The following CDC40 variants were observed in gnomAD, a reference collection of about 807,000 sequenced individuals.
CDC40 encodes the protein pre-mRNA-processing factor 17.
A neutral mutation model predicts 80.6 loss-of-function variants in CDC40; 27 were observed. The observed-to-expected ratio is 0.33, with a 90% confidence interval of 0.25 to 0.46. The LOEUF (loss-of-function observed/expected upper bound fraction) is 0.46, where lower values mean the gene tolerates loss of function less well. Among genes scored for constraint, CDC40 ranks in the 20% least tolerant of loss-of-function variants. The probability of loss-of-function intolerance (pLI) is 1.00; values close to 1 mark genes in which losing one functional copy is unlikely to be tolerated. For missense variants in CDC40, 486 were observed against 694.1 expected, an observed-to-expected ratio of 0.70 and a Z score of 3.37; for synonymous variants, 221 against 232.6, an observed-to-expected ratio of 0.95 and a Z score of 0.45.
Position 110,209,146 on chromosome 6 carries a change from G to C in CDC40, c.553G>C (p.Asp185His). ...AAAGAGGAAAAAGTTTAAAGAAAAT[G>C]ATGCATCCAATATTGATGGTTTTTT... ...TEKRKKFKEN[D>H]ASNIDGFLGP... The change falls in exon 5 of 15, where the codon GAT becomes CAT. Residue 185 changes from aspartate to histidine, a missense_variant. Transcript: ENST00000307731. The C allele has an allele frequency of 6.2e-7, 1 of 1,604,564 alleles. No individual in the cohort carries two copies. The highest frequency in any genetic ancestry group is 8.5e-7 in the Non-Finnish European group (1 of 1,171,754).
In CDC40 at chr6:110,219,378, A is replaced by C. The variant is rs766359360; in HGVS notation, c.1105A>C (p.Arg369=). The change falls in exon 11 of 15, where the codon AGA becomes CGA. Residue 369 remains arginine, a synonymous_variant. Transcript: ENST00000307731. ...TTTGGTTTTAGGACAGTGTATATCA[A>C]GATTTACAAACCGAAAAGTACCTTA... ...WDTETGQCIS[R]FTNRKVPYCV... 6.5e-7 allele frequency: 1 copy of C among 1,548,848 alleles called. No homozygotes were observed. The highest frequency in any genetic ancestry group is 1.1e-5 in the South Asian group (1 of 89,516).
chr6:110,219,489 T>A lies in CDC40; in HGVS notation c.1206+10T>A. ...TAAGAAGATTGTGCAAGTAAGTCTT[T>A]CACAGTATTTTGTTAAGACTCCTAA... On this transcript the variant is annotated intron_variant, in intron 11 of 14. Transcript: ENST00000307731. 1 of 1,455,816 alleles carries A rather than the reference T, an allele frequency of 6.9e-7. No homozygotes were observed. The highest frequency in any genetic ancestry group is 9.6e-7 in the Non-Finnish European group (1 of 1,036,294). 90.2% of individuals were successfully genotyped at this position (1,455,816 alleles called of 1,614,324 possible).
chr6:110,208,048 T>C (rs1225266629), intron 4 of CDC40, among the ~76,000 whole-genome samples: 3 of 152,252 alleles, frequency 2.0e-5, no homozygotes, highest in Non-Finnish European at 4.4e-5. Flanking sequence ...CTTGTATTCA[T>C]ATTCATTTTG....
rs540391178 is a variant in CDC40, at chr6:110,215,513, G to A, written c.988+182G>A. Among the ~76,000 whole-genome samples the A allele has an allele frequency of 1.4e-4, 21 of 152,302 alleles. No homozygotes were observed. In the East Asian group the frequency reaches 1.9e-3, roughly 14 times the overall value. On this transcript the variant is annotated intron_variant, in intron 9 of 14. Coordinates refer to ENST00000307731, the MANE Select transcript of CDC40 (RefSeq NM_015891.3). ...AAGAGAACTAGGAAGCAAGAGCAGC[G>A]GATGCAAAACAAAAATGGTGTGAGA...
intron 12 of CDC40, among the ~76,000 whole-genome samples, chr6:110,220,167 A>T (rs886098310): frequency 2.0e-5 from 3 of 152,064 alleles, no homozygotes; most frequent in African/African-American, 7.2e-5. Flanking sequence ...TAGGTACCTT[A>T]TTCATCTCTG....
At chr6:110,223,817 GTTTTGT>G (rs1375542244) in intron 12 of CDC40, among the ~76,000 whole-genome samples, 1 of 151,044 alleles carries the variant, frequency 6.6e-6, no homozygotes, top group East Asian at 1.9e-4. Flanking sequence ...GTTTTGTTTT[GTTTTGT>G]TTTGTTTTGT....
chr6:110,205,757 T>C (rs114782140), intron 3 of CDC40, among the ~76,000 whole-genome samples: 1,821 of 152,338 alleles, frequency 0.012, 15 homozygotes, highest in Middle Eastern at 0.024. Context: ...ACATTCTAGC[T>C]AGATACGTTT....
intron 2 of CDC40, among the ~76,000 whole-genome samples, 197 bp from the exon 3 acceptor site, chr6:110,201,361 C>T (rs1777490640): frequency 6.6e-6 from 1 of 152,140 alleles, no homozygotes; most frequent in African/African-American, 2.4e-5. Context: ...GGGTTCCTCT[C>T]CTTCTGTCCC....
intron 3 of CDC40, among the ~76,000 whole-genome samples, chr6:110,205,796 T>C (rs1584072459): frequency 6.6e-6 from 1 of 152,196 alleles, no homozygotes; most frequent in Non-Finnish European, 1.5e-5. Context: ...ACTTTTAACA[T>C]GGTATGAGCT....
intron 1 of CDC40, 138 bp from the exon 2 acceptor site, chr6:110,193,038 ATTAATT>A: frequency 3.8e-6 from 2 of 527,472 alleles, no homozygotes; most frequent in Non-Finnish European, 6.8e-6. Flanking sequence ...AACTGTATAC[ATTAATT>A]TTATTAGAAT....
chr6:110,213,298 A>C, intron 8 of CDC40, 138 bp downstream of exon 8: 3 of 617,098 alleles, frequency 4.9e-6, no homozygotes, highest in Non-Finnish European at 8.8e-6. Context: ...AAATGCAGCA[A>C]TTTATGAACT....
chr6:110,192,622 A>G (rs1281945609), intron 1 of CDC40, among the ~76,000 whole-genome samples: 1 of 152,244 alleles, frequency 6.6e-6, no homozygotes, highest in Non-Finnish European at 1.5e-5. Flanking sequence ...TGGTGGAGTT[A>G]TACAAAAGTT....
chr6:110,230,134 A>T lies in CDC40; in HGVS notation c.*3A>T. ...GTCTCATTAAATTGTGGGATTAATGAGATTAATCCTTAAACTAGCTGGGAT... is the reference window on the plus strand; with the variant it reads ...GTCTCATTAAATTGTGGGATTAATGTGATTAATCCTTAAACTAGCTGGGAT... On this transcript the variant is annotated 3_prime_UTR_variant, in exon 15 of 15. Coordinates refer to ENST00000307731, the MANE Select transcript of CDC40 (RefSeq NM_015891.3). The T allele has an allele frequency of 6.3e-7, 1 of 1,578,870 alleles. No homozygotes were observed. The highest frequency in any genetic ancestry group is 8.7e-7 in the Non-Finnish European group (1 of 1,150,072).
intron 13 of CDC40, among the ~76,000 whole-genome samples, chr6:110,226,558 C>G (rs1320074688): frequency 6.6e-6 from 1 of 151,696 alleles, no homozygotes; most frequent in Non-Finnish European, 1.5e-5. Context: ...CCCCTCCTCT[C>G]CTCTCCCCTC....
At position 110,230,974 on chromosome 6, in the gene CDC40, G is replaced by A. The variant is rs1334681845; in HGVS notation, c.*843G>A. On this transcript the variant is annotated 3_prime_UTR_variant, in exon 15 of 15. Transcript: ENST00000307731. ...ATCCTCCTCATAGGAGATAAAGTAC[G>A]AGGGGTAGAGTCCAAGATGTCAACT... The A allele has an allele frequency of 1.3e-5, 2 of 152,238 alleles. No homozygotes were observed. Among genetic ancestry groups the A allele is most frequent in the Admixed American group, 6.5e-5 (1 of 15,288 alleles). The allele number at this position is 152,238 out of a possible 1,614,324, so 9.4% of individuals were successfully genotyped here. A position where few individuals can be genotyped will look rare whatever the true frequency, so the allele number is the denominator to read the frequency against.
intron 4 of CDC40, among the ~76,000 whole-genome samples, chr6:110,208,473 C>T (rs1777591841): frequency 6.6e-6 from 1 of 152,160 alleles, no homozygotes; most frequent in Non-Finnish European, 1.5e-5. Context: ...GAAACACCCT[C>T]CTTCTCCTTT....
chr6:110,186,267 G>C (rs895861134), intron 1 of CDC40, among the ~76,000 whole-genome samples: 12 of 152,098 alleles, frequency 7.9e-5, no homozygotes, highest in Non-Finnish European at 1.6e-4. Flanking sequence ...GCTGGGCGAG[G>C]TGGGCAGATC....
Position 110,228,972 on chromosome 6 carries a change from A to G in CDC40, c.1558A>G (p.Met520Val), listed in dbSNP as rs748040538. Residue 520 changes from methionine (M) to valine (V), a missense_variant, in exon 14 of 15, where the codon ATG becomes GTG. By Grantham distance (21) the Met-to-Val change is conservative. Coordinates refer to ENST00000307731, the MANE Select transcript of CDC40 (RefSeq NM_015891.3). ...TTGTCAGGTGGACTTTTCACCAGAC[A>G]TGAGGTAAGTTTAAATCTTCTAATC... ...YACQVDFSPD[M>V]SYVISGDGNG... 4 of 1,600,320 alleles carry G rather than the reference A, an allele frequency of 2.5e-6. No homozygotes were observed. Among genetic ancestry groups the G allele is most frequent in the South Asian group, 1.1e-5 (1 of 87,206 alleles).
In CDC40 at chr6:110,231,809, C is replaced by T. The variant is rs1367593386; in HGVS notation, c.*1678C>T. ...TAGATTTTAAAAGGCGTGGGACATA[C>T]GACCAGGCCCTATAGCCACATAAAT... On this transcript the variant is annotated 3_prime_UTR_variant, in exon 15 of 15. Coordinates refer to ENST00000307731, the MANE Select transcript of CDC40 (RefSeq NM_015891.3). 3.4e-5 allele frequency: 5 copies of T among 146,540 alleles called. No homozygotes were observed. The highest frequency in any genetic ancestry group is 2.3e-4 in the South Asian group (1 of 4,398). The allele number at this position is 146,540 out of a possible 1,614,324, so 9.1% of individuals were successfully genotyped here.
Sources: gnomAD v4.1 joint callset for allele counts (sites outside exome capture counted in the v4.1 genomes callset) on GRCh38, gnomAD v4.1.1 for gene constraint, MANE v1.5 for transcripts, NCBI Gene and HGNC (gene_info 2026-07-23, HGNC 2026-07-21) for gene names.